Variants in CNIH3 observed in about 807,000 individuals in gnomAD.
CNIH3 encodes the protein cornichon family AMPA receptor auxiliary protein 3, also known as protein cornichon homolog 3.
Under a neutral mutation model 24.1 loss-of-function variants are expected in CNIH3, and 14 were observed. That is an observed-to-expected ratio of 0.58 (90% CI 0.38 to 0.91). The LOEUF (loss-of-function observed/expected upper bound fraction) is 0.91. CNIH3 is among the 40% of genes least tolerant of loss of function. The probability of loss-of-function intolerance (pLI) is 0.00; values close to 1 mark genes in which losing one functional copy is unlikely to be tolerated. For missense variants in CNIH3, 178 were observed against 196.8 expected (o/e 0.90, Z 0.57); for synonymous variants, 68 against 73.8 (o/e 0.92, Z 0.40).
chr1:224,539,506 GT>G (rs1439582324), downstream of CNIH3, among the ~76,000 whole-genome samples: 1 of 152,134 alleles, frequency 6.6e-6, no homozygotes, highest in Admixed American at 6.5e-5. Context: ...AGTTCAGATA[GT>G]TTTACCTCCT....
intron 3 of CNIH3, among the ~76,000 whole-genome samples, chr1:224,598,250 T>A (rs933091824): frequency 2.6e-5 from 4 of 152,132 alleles, no homozygotes; most frequent in Admixed American, 2.6e-4. Context: ...GTGGTGGAAA[T>A]AGCAAGACAA....
rs56137320 is a variant in CNIH3 at position 224,463,773 on chromosome 1, A to ATTTTTTTTTTTTTTTTTTTTTTTTT, written n.203+28923_203+28947dup. ...TTCTCCCAGCTTATGAATTGTCCTCATTTTTTTTTTTTTTTTTTTTTTTTT... is the reference window on the plus strand; with the variant it reads ...TTCTCCCAGCTTATGAATTGTCCTCATTTTTTTTTTTTTTTTTTTTTTTTTTTTTTTTTTTTTTTTTTTTTTTTTT... On this transcript the variant is annotated intron_variant and non_coding_transcript_variant, in intron 1 of 5. Transcript: ENST00000471578. 9.7e-5 allele frequency among the ~76,000 whole-genome samples: 2 copies of ATTTTTTTTTTTTTTTTTTTTTTTTT among 20,706 alleles called. 1 individual carries two copies. 13.6% of individuals were successfully genotyped at this position (20,706 alleles called of 152,430 possible).
intron 1 of CNIH3, among the ~76,000 whole-genome samples, chr1:224,461,569 C>T (rs1429897562): frequency 6.6e-6 from 1 of 152,220 alleles, no homozygotes; most frequent in African/African-American, 2.4e-5. Context: ...ATCTCTTCCT[C>T]ACATGCATAT....
chr1:224,698,995 T>TC (rs1687332298), intron 3 of CNIH3, among the ~76,000 whole-genome samples: 1 of 152,236 alleles, frequency 6.6e-6, no homozygotes, highest in East Asian at 1.9e-4. Flanking sequence ...GGTCACTTAG[T>TC]AAGTGCAGGG....
chr1:224,608,382 T>A (rs7538777), intron 3 of CNIH3, among the ~76,000 whole-genome samples: 3 of 152,156 alleles, frequency 2.0e-5, no homozygotes, highest in Admixed American at 1.3e-4. Context: ...GCAAGACTCA[T>A]GTCTCAAAAA....
chr1:224,528,688 G>GT (rs912231167), intron 2 of CNIH3, among the ~76,000 whole-genome samples: 1 of 151,868 alleles, frequency 6.6e-6, no homozygotes, highest in Non-Finnish European at 1.5e-5. Flanking sequence ...TTCTTCCTTT[G>GT]TATTTTCAAA....
intron 3 of CNIH3, among the ~76,000 whole-genome samples, chr1:224,551,374 A>G (rs1679913855): frequency 1.3e-5 from 2 of 152,204 alleles, no homozygotes; most frequent in Admixed American, 6.5e-5. Context: ...CATATACACC[A>G]TGAAATACTA....
At chr1:224,452,113 A>G (rs1675423368) in intron 1 of CNIH3, among the ~76,000 whole-genome samples, 2 of 151,434 alleles carry the variant, frequency 1.3e-5, no homozygotes, top group Non-Finnish European at 2.9e-5. Flanking sequence ...TTCTAATAGT[A>G]GAATTAAGAC....
intron 1 of CNIH3, among the ~76,000 whole-genome samples, chr1:224,479,450 G>C (rs1000461218): frequency 6.6e-6 from 1 of 151,094 alleles, no homozygotes; most frequent in Non-Finnish European, 1.5e-5. Context: ...CACTGCGCCC[G>C]GCAGTCCCCC....
chr1:224,678,884 A>G (rs1461906874), intron 1 of CNIH3, among the ~76,000 whole-genome samples: 2 of 152,166 alleles, frequency 1.3e-5, no homozygotes, highest in Non-Finnish European at 2.9e-5. Context: ...AAATGAAAGA[A>G]TAGGCTGGGG....
At chr1:224,462,059 G>C (rs1324248886) in intron 1 of CNIH3, among the ~76,000 whole-genome samples, 2 of 151,858 alleles carry the variant, frequency 1.3e-5, no homozygotes, top group Non-Finnish European at 2.9e-5. Flanking sequence ...GAAAGTACAG[G>C]GTGTTCTCAT....
At chr1:224,576,001 A>T (rs146701074) in intron 4 of CNIH3, among the ~76,000 whole-genome samples, 2 of 152,220 alleles carry the variant, frequency 1.3e-5, no homozygotes, top group African/African-American at 4.8e-5. Flanking sequence ...CAAAGAGCAG[A>T]TGAACAACTG....
intron 3 of CNIH3, chr1:224,717,825 CAG>C (rs1290245616): frequency 6.6e-6 from 1 of 152,224 alleles, no homozygotes. Flanking sequence ...GGATGTACAA[CAG>C]AGAGATACAC....
At chr1:224,434,835 T>A (rs998710071) in exon 1 of CNIH3, 93 of 985,416 alleles carry the variant, frequency 9.4e-5, no homozygotes, top group Non-Finnish European at 1.1e-4. Flanking sequence ...ATGCCTATAC[T>A]GCCCTCCTCA....
rs1040235773 is a variant in CNIH3 at position 224,709,807 on chromosome 1, T to G, written c.199-20655T>G. On this transcript the variant is annotated intron_variant, in intron 3 of 5. Transcript: ENST00000272133. ...GGTTCTCTCTTCCTTCAACCTGCCATCTACTCATTACAGTAGTACCCCCTT... is the reference window on the plus strand; with the variant it reads ...GGTTCTCTCTTCCTTCAACCTGCCAGCTACTCATTACAGTAGTACCCCCTT... Among the ~76,000 whole-genome samples the G allele has an allele frequency of 2.6e-5, 4 of 152,298 alleles. No homozygotes were observed. In the South Asian group the frequency reaches 8.3e-4, roughly 32 times the overall value.
chr1:224,552,711 C>G (rs755660173), intron 3 of CNIH3, among the ~76,000 whole-genome samples: 1 of 151,062 alleles, frequency 6.6e-6, no homozygotes, highest in African/African-American at 2.4e-5. Context: ...TAATGTATCT[C>G]GCTTAGATAT....
At chr1:224,695,172 T>C (rs763837504) in intron 3 of CNIH3, among the ~76,000 whole-genome samples, 6 of 152,174 alleles carry the variant, frequency 3.9e-5, no homozygotes, top group Non-Finnish European at 8.8e-5. Flanking sequence ...GTTGAAGGCC[T>C]TACTGGAGCA....
chr1:224,711,165 GATGA>G (rs1455924800), intron 3 of CNIH3, among the ~76,000 whole-genome samples: 2 of 152,208 alleles, frequency 1.3e-5, no homozygotes, highest in African/African-American at 4.8e-5. Context: ...CCTGTATGGA[GATGA>G]ATATGTCATA....
intron 1 of CNIH3, among the ~76,000 whole-genome samples, chr1:224,483,384 C>A (rs1328105423): frequency 1.3e-5 from 2 of 149,424 alleles, no homozygotes; most frequent in African/African-American, 2.5e-5. Context: ...TGTGATTGCT[C>A]ACCTGATTTT....
Sources: gnomAD v4.1 joint callset for allele counts (sites outside exome capture counted in the v4.1 genomes callset) on GRCh38, gnomAD v4.1.1 for gene constraint, MANE v1.5 for transcripts, NCBI Gene and HGNC (gene_info 2026-07-23, HGNC 2026-07-21) for gene names.